The following IBTK variants were observed in gnomAD, a reference collection of about 807,000 sequenced individuals.
IBTK encodes inhibitor of Bruton tyrosine kinase, also known as BTK-binding protein.
A neutral mutation model predicts 154.9 loss-of-function variants in IBTK; 83 were observed. The ratio of observed to expected loss-of-function variants is 0.54; its 90% CI spans 0.45 to 0.64. The LOEUF (loss-of-function observed/expected upper bound fraction) is 0.64. Ranked by LOEUF, IBTK falls within the 30% of genes least tolerant of loss-of-function variation. IBTK has a pLI of 0.00. For missense variants in IBTK, 1,332 were observed against 1,584.6 expected, an observed-to-expected ratio of 0.84 and a Z score of 2.71; for synonymous variants, 515 against 536.1, an observed-to-expected ratio of 0.96 and a Z score of 0.54.
intron 4 of IBTK, among the ~76,000 whole-genome samples, chr6:82,227,665 T>C (rs1314008657): frequency 1.3e-5 from 2 of 151,970 alleles, no homozygotes; most frequent in Non-Finnish European, 2.9e-5. Flanking sequence ...ATGAGCAAAG[T>C]GCAACAGGAA....
chr6:82,177,216 T>C (rs1175137607), intron 26 of IBTK, among the ~76,000 whole-genome samples: 2 of 151,770 alleles, frequency 1.3e-5, no homozygotes, highest in Non-Finnish European at 2.9e-5. Flanking sequence ...GTTGTTGTTG[T>C]TGTTGTTTTT....
intron 1 of IBTK, 25 bp from the exon 2 acceptor site, chr6:82,240,868 T>C (rs1770919978): frequency 9.9e-6 from 4 of 404,608 alleles, no homozygotes; most frequent in Non-Finnish European, 1.3e-5. Context: ...GAAGAGAAAA[T>C]AAAAATTCAA....
At position 82,210,851 on chromosome 6, in the gene IBTK, CA is replaced by C; in HGVS notation, c.2471del (p.Leu824TrpfsTer11). The C allele has an allele frequency of 6.3e-7, 1 of 1,576,398 alleles. No homozygotes were observed. The highest frequency in any genetic ancestry group is 2.3e-5 in the East Asian group (1 of 42,982). On this transcript the variant is annotated frameshift_variant, in exon 16 of 29. Transcript: ENST00000306270. LOFTEE classifies it high-confidence loss of function. ...CAGCTTCATCAGTATAGAGGTAGTCCAAAATAACTTTTAATATATCAGAATG... is the reference window on the plus strand; with the variant it reads ...CAGCTTCATCAGTATAGAGGTAGTCCAAATAACTTTTAATATATCAGAATG... ...PIHSDILKVILDYLYTDEAVV... is the reference protein window; with the variant it reads ...PIHSDILKVIXDYLYTDEAVV...
At chr6:82,222,497 A>G (rs186552946) in intron 8 of IBTK, among the ~76,000 whole-genome samples, 2 of 152,324 alleles carry the variant, frequency 1.3e-5, no homozygotes, top group Admixed American at 1.3e-4. Context: ...TACTATATAA[A>G]TGGTAACATA....
At chr6:82,223,719 G>C in intron 7 of IBTK, 99 bp from the exon 8 acceptor site, 1 of 1,020,390 alleles carries the variant, frequency 9.8e-7, no homozygotes, top group Admixed American at 2.4e-5. Context: ...AGCACTTGGG[G>C]AGGCCAAGGT....
intron 25 of IBTK, among the ~76,000 whole-genome samples, chr6:82,190,691 T>G (rs1321185921): frequency 6.6e-6 from 1 of 151,918 alleles, no homozygotes; most frequent in African/African-American, 2.4e-5. Context: ...AAATAAAGTT[T>G]TCTTTTTATA....
At chr6:82,174,902 AT>A in intron 26 of IBTK, 2 of 453,086 alleles carry the variant, frequency 4.4e-6, no homozygotes, top group South Asian at 1.6e-5. Context: ...AGCTACCTTT[AT>A]TTTTACTATT....
Position 82,171,260 on chromosome 6 carries a change from T to A in IBTK, c.*165A>T. On this transcript the variant is annotated 3_prime_UTR_variant, in exon 29 of 29. Transcript: ENST00000306270. ...AAAATCACAATTCTGAGAAATTTAT[T>A]TTTAATCATACAAACATTATATGAT... is the stretch of plus-strand genomic sequence containing the variant. 2.2e-6 allele frequency: 1 copy of A among 453,164 alleles called. No individual in the cohort carries two copies. The highest frequency in any genetic ancestry group is 5.5e-5 in the South Asian group (1 of 18,164). 28.1% of individuals were successfully genotyped at this position (453,164 alleles called of 1,614,324 possible). A position where few individuals can be genotyped will look rare whatever the true frequency, so the allele number is the denominator to read the frequency against.
chr6:82,178,363 C>CTTTT (rs571359349), intron 26 of IBTK, among the ~76,000 whole-genome samples: 98 of 151,894 alleles, frequency 6.5e-4, no homozygotes, highest in African/African-American at 2.3e-3. Flanking sequence ...TATCTAAAGA[C>CTTTT]TTTTTTTTAA....
chr6:82,234,142 T>C lies in IBTK; in HGVS notation c.418+17A>G. On this transcript the variant is annotated intron_variant, in intron 3 of 28. Transcript: ENST00000306270. ...GTGTGAGCCGCAGCGCCCAGCCCAT[T>C]TGTGAAATTTTCTTACCAGTATTCT... 1 of 1,350,986 alleles carries C rather than the reference T, an allele frequency of 7.4e-7. No homozygotes were observed. 83.7% of individuals were successfully genotyped at this position (1,350,986 alleles called of 1,614,324 possible). A position where few individuals can be genotyped will look rare whatever the true frequency, so the allele number is the denominator to read the frequency against.
At chr6:82,236,057 A>G (rs1241434482) in intron 2 of IBTK, among the ~76,000 whole-genome samples, 2 of 152,112 alleles carry the variant, frequency 1.3e-5, no homozygotes, top group Non-Finnish European at 2.9e-5. Context: ...TATTTTTAGT[A>G]GAGATGAGGT....
chr6:82,202,503 C>G, intron 18 of IBTK, 25 bp downstream of exon 18: 2 of 1,223,788 alleles, frequency 1.6e-6, no homozygotes, highest in Non-Finnish European at 2.4e-6. Flanking sequence ...TTGCAACAAT[C>G]TTACAACATA....
chr6:82,234,076 T>C (rs985311204), intron 3 of IBTK, 83 bp downstream of exon 3: 1 of 528,810 alleles, frequency 1.9e-6, no homozygotes, highest in Non-Finnish European at 3.4e-6. Flanking sequence ...TGACCTGAAG[T>C]GATCCGCCTG....
chr6:82,232,134 A>G (rs1167661030), intron 3 of IBTK, among the ~76,000 whole-genome samples: 1 of 151,390 alleles, frequency 6.6e-6, no homozygotes, highest in Non-Finnish European at 1.5e-5. Flanking sequence ...GGCTCAAGTG[A>G]TCCTCCCACC....
In IBTK at chr6:82,243,010, G is replaced by A. The variant is rs937691218; in HGVS notation, c.-357-2167C>T. On this transcript the variant is annotated intron_variant, in intron 1 of 28. Transcript: ENST00000306270. ...TAAACCCAGCACTTTGGGAGGCCAA[G>A]GCAGGCGAATCACGAGGTCAGGAGA... 2.6e-4 allele frequency among the ~76,000 whole-genome samples: 40 copies of A among 152,086 alleles called. 1 individual carries two copies. The highest frequency in any genetic ancestry group is 9.4e-4 in the African/African-American group (39 of 41,426).
chr6:82,171,654 T>C, intron 28 of IBTK, 98 bp from the exon 29 acceptor site: 1 of 974,362 alleles, frequency 1.0e-6, no homozygotes, highest in Non-Finnish European at 1.6e-6. Context: ...ACTATCACTT[T>C]CCATGGATAC....
At chr6:82,179,354 T>TAAGTTTAGTTTTGGACATG (rs1294424465) in intron 26 of IBTK, among the ~76,000 whole-genome samples, 6 of 152,178 alleles carry the variant, frequency 3.9e-5, no homozygotes, top group Non-Finnish European at 8.8e-5. Context: ...AGGAAAACAT[T>TAAGTTTAGTTTTGGACATG]AAGTTTAGTT....
At chr6:82,191,727 G>C in intron 24 of IBTK, 60 bp downstream of exon 24, 1 of 1,016,300 alleles carries the variant, frequency 9.8e-7, no homozygotes, top group Non-Finnish European at 1.6e-6. Flanking sequence ...CAGTAAGTCT[G>C]TCCAATTCTT....
chr6:82,171,597 T>G, intron 28 of IBTK, 41 bp from the exon 29 acceptor site: 1 of 1,527,076 alleles, frequency 6.5e-7, no homozygotes, highest in Non-Finnish European at 8.9e-7. Context: ...ACTCTTTTAA[T>G]TATAAACTAA....
Sources: allele counts gnomAD v4.1 joint callset (sites outside exome capture counted in the v4.1 genomes callset), GRCh38; gene constraint gnomAD v4.1.1; transcripts MANE v1.5; gene names NCBI Gene and HGNC (gene_info 2026-07-23, HGNC 2026-07-21).